MSRA: variants seen among roughly 807,000 people sequenced by gnomAD.
MSRA encodes the protein mitochondrial peptide methionine sulfoxide reductase.
Under a neutral mutation model 31.3 loss-of-function variants are expected in MSRA, and 54 were observed. The ratio of observed to expected loss-of-function variants is 1.73; its 90% CI spans 1.39 to 2.17. The LOEUF (loss-of-function observed/expected upper bound fraction) is 2.17. MSRA is among the 30% of genes most tolerant of loss of function. MSRA has a pLI of 0.00. For missense variants in MSRA, 507 were observed against 300.9 expected (o/e 1.69, Z -5.07); for synonymous variants, 169 against 116.5 (o/e 1.45, Z -2.90).
At chr8:10,140,583 A>G (rs1355514786) in intron 1 of MSRA, among the ~76,000 whole-genome samples, 1 of 151,718 alleles carries the variant, frequency 6.6e-6, no homozygotes, top group African/African-American at 2.4e-5. Context: ...CAAACATACA[A>G]CCCCTACATG....
chr8:10,213,260 G>A (rs1809672406), intron 2 of MSRA, among the ~76,000 whole-genome samples: 1 of 151,804 alleles, frequency 6.6e-6, no homozygotes, highest in Non-Finnish European at 1.5e-5. Context: ...TAATTGTTTT[G>A]ATTTTTAGAT....
chr8:10,413,951 G>C (rs1808309398), intron 5 of MSRA, among the ~76,000 whole-genome samples: 1 of 152,138 alleles, frequency 6.6e-6, no homozygotes, highest in Non-Finnish European at 1.5e-5. Flanking sequence ...GATTGTTTGA[G>C]CCCAGGAGTT....
chr8:10,106,195 A>G (rs751918167), intron 1 of MSRA, among the ~76,000 whole-genome samples: 3 of 152,184 alleles, frequency 2.0e-5, no homozygotes, highest in South Asian at 2.1e-4. Flanking sequence ...ACCTTGAGGT[A>G]TGGTTCTCAC....
chr8:10,382,211 C>T (rs945338053), intron 5 of MSRA, among the ~76,000 whole-genome samples: 2 of 152,202 alleles, frequency 1.3e-5, no homozygotes, highest in African/African-American at 4.8e-5. Context: ...AGGCTGCTGG[C>T]TTCCCTCTTA....
At chr8:10,131,182 C>T (rs1021594948) in intron 1 of MSRA, among the ~76,000 whole-genome samples, 6 of 152,198 alleles carry the variant, frequency 3.9e-5, no homozygotes, top group African/African-American at 1.4e-4. Context: ...TCTGTGGATT[C>T]TTCTCTCTGG....
chr8:10,251,072 C>T (rs528112053), intron 3 of MSRA, among the ~76,000 whole-genome samples: 1 of 152,274 alleles, frequency 6.6e-6, no homozygotes, highest in African/African-American at 2.4e-5. Flanking sequence ...TTCTTCTCTT[C>T]TTCATCTGTG....
intron 5 of MSRA, among the ~76,000 whole-genome samples, chr8:10,331,666 G>A (rs921501158): frequency 4.6e-5 from 7 of 152,090 alleles, no homozygotes; most frequent in Admixed American, 6.5e-5. Context: ...TCATCCTTCG[G>A]TATCCAATGG....
chr8:10,080,521 C>G (rs902597911), intron 1 of MSRA, among the ~76,000 whole-genome samples: 1 of 151,882 alleles, frequency 6.6e-6, no homozygotes, highest in Admixed American at 6.6e-5. Context: ...GCAGCTGTCT[C>G]TTTTTAATTT....
At chr8:10,137,725 G>A (rs551267473) in intron 1 of MSRA, among the ~76,000 whole-genome samples, 55 of 152,240 alleles carry the variant, frequency 3.6e-4, no homozygotes, top group Non-Finnish European at 4.7e-4. Flanking sequence ...GACTGGGGAG[G>A]TATAAGGAGC....
At chr8:10,261,132 A>G (rs1264929170) in intron 3 of MSRA, among the ~76,000 whole-genome samples, 1 of 152,032 alleles carries the variant, frequency 6.6e-6, no homozygotes, top group Non-Finnish European at 1.5e-5. Context: ...AGTGTACCCA[A>G]AAAAAAACTA....
intron 1 of MSRA, among the ~76,000 whole-genome samples, chr8:10,101,676 A>T (rs1799538819): frequency 6.6e-6 from 1 of 152,168 alleles, no homozygotes. Context: ...ACTTAGCATA[A>T]TGTCCTCAGG....
At position 10,276,694 on chromosome 8, in the gene MSRA, A is replaced by ATTGC. The variant is rs1484292975; in HGVS notation, c.332-24840_332-24839insTTGC. 2.0e-5 allele frequency among the ~76,000 whole-genome samples: 3 copies of ATTGC among 152,312 alleles called. No homozygotes were observed. In the East Asian group the frequency reaches 5.8e-4, roughly 29 times the overall value. On this transcript the variant is annotated intron_variant, in intron 3 of 5. Coordinates refer to ENST00000317173, the MANE Select transcript of MSRA (RefSeq NM_012331.5). ...TTAGGTTGATTGCAGTTTCTAAGAG[A>ATTGC]AGTCTTTAATGTTTCAGGAGCAACT...
Position 10,054,483 on chromosome 8 carries a change from T to A in MSRA, c.-34T>A, listed in dbSNP as rs1488554065. ...TGCGGCTCCGCTGCCGGTAGCGCCG[T>A]CCCCCGGGACCACCCTTCGGCTGGC... On this transcript the variant is annotated 5_prime_UTR_variant, in exon 1 of 6. Coordinates refer to ENST00000317173, the MANE Select transcript of MSRA (RefSeq NM_012331.5). The A allele has an allele frequency of 2.6e-5, 40 of 1,537,074 alleles. No homozygotes were observed. The highest frequency in any genetic ancestry group is 3.3e-5 in the Non-Finnish European group (38 of 1,141,350).
chr8:10,071,115 A>G (rs568865147), intron 1 of MSRA, among the ~76,000 whole-genome samples: 152 of 152,296 alleles, frequency 1.0e-3, no homozygotes, highest in African/African-American at 3.6e-3. Flanking sequence ...TGATATTCCC[A>G]CCAGCAACAT....
intron 1 of MSRA, among the ~76,000 whole-genome samples, chr8:10,186,267 A>T (rs897674233): frequency 1.3e-5 from 2 of 152,098 alleles, no homozygotes; most frequent in Non-Finnish European, 2.9e-5. Flanking sequence ...AACATTTTCT[A>T]TAAAGGGCCA....
intron 1 of MSRA, among the ~76,000 whole-genome samples, chr8:10,080,171 C>A (rs1240792821): frequency 2.6e-5 from 4 of 152,296 alleles, no homozygotes; most frequent in Non-Finnish European, 5.9e-5. Flanking sequence ...AGACTGGTTG[C>A]TAATACAGTT....
At position 10,402,296 on chromosome 8, in the gene MSRA, G is replaced by A. The variant is rs192931063; in HGVS notation, c.544-25852G>A. 2.6e-5 allele frequency among the ~76,000 whole-genome samples: 4 copies of A among 152,332 alleles called. No homozygotes were observed. The East Asian group carries it at 7.7e-4, about 29-fold the overall frequency. On this transcript the variant is annotated intron_variant, in intron 5 of 5. Coordinates refer to ENST00000317173, the MANE Select transcript of MSRA (RefSeq NM_012331.5). ...AGGGGGCTGAGCCTACCCCTGGAGG[G>A]ACCCTGGCCTCCTATTCCAGCTCCT...
intron 3 of MSRA, among the ~76,000 whole-genome samples, chr8:10,277,899 A>C (rs967327181): frequency 1.3e-5 from 2 of 152,186 alleles, no homozygotes; most frequent in Admixed American, 1.3e-4. Context: ...ATCAATAAAA[A>C]CAAATTAAGA....
intron 2 of MSRA, among the ~76,000 whole-genome samples, chr8:10,216,712 G>A (rs1025060488): frequency 1.3e-5 from 2 of 152,190 alleles, no homozygotes; most frequent in Non-Finnish European, 2.9e-5. Context: ...TTCGCATAAT[G>A]TCTTCAAAGT....
Sources: gnomAD v4.1 joint callset for allele counts (sites outside exome capture counted in the v4.1 genomes callset) on GRCh38, gnomAD v4.1.1 for gene constraint, MANE v1.5 for transcripts, NCBI Gene and HGNC (gene_info 2026-07-23, HGNC 2026-07-21) for gene names.